Variants in SLC30A8 observed in about 807,000 individuals in gnomAD.
SLC30A8 encodes the protein proton-coupled zinc antiporter SLC30A8.
SLC30A8 carries 27 observed loss-of-function variants against 36.9 expected under a neutral mutation model. The observed-to-expected ratio is 0.73, with a 90% CI of 0.54 to 1.01. SLC30A8 has a LOEUF of 1.01. Among genes scored for constraint, SLC30A8 ranks in the 50% least tolerant of loss-of-function variants. SLC30A8 has a pLI of 0.00. For missense variants in SLC30A8, 439 were observed against 452.0 expected, an observed-to-expected ratio of 0.97 and a Z score of 0.26; for synonymous variants, 164 against 172.4, an observed-to-expected ratio of 0.95 and a Z score of 0.38.
chr8:117,092,901 C>T (rs1188903931), intron 2 of SLC30A8, among the ~76,000 whole-genome samples: 3 of 152,174 alleles, frequency 2.0e-5, no homozygotes, highest in African/African-American at 7.2e-5. Context: ...TCACAGGCTG[C>T]ATGACTTATT....
chr8:117,046,966 T>C (rs961433391), intron 2 of SLC30A8, among the ~76,000 whole-genome samples: 1 of 152,228 alleles, frequency 6.6e-6, no homozygotes, highest in African/African-American at 2.4e-5. Context: ...GCTTGCTCAT[T>C]TGTTTGTTTG....
intron 1 of SLC30A8, among the ~76,000 whole-genome samples, chr8:117,139,771 A>G (rs1448020183): frequency 6.6e-6 from 1 of 151,812 alleles, no homozygotes; most frequent in Non-Finnish European, 1.5e-5. Flanking sequence ...ATGGGAGAGG[A>G]TAAGAAAGAC....
chr8:117,058,219 A>G (rs1817927241), intron 2 of SLC30A8, among the ~76,000 whole-genome samples: 1 of 152,050 alleles, frequency 6.6e-6, no homozygotes, highest in African/African-American at 2.4e-5. Flanking sequence ...TCCTTTGTCC[A>G]TTTTTAATTG....
chr8:117,028,610 G>A (rs557302470), intron 1 of SLC30A8, among the ~76,000 whole-genome samples: 5 of 151,626 alleles, frequency 3.3e-5, no homozygotes, highest in Non-Finnish European at 7.4e-5. Context: ...AAGAGGAATG[G>A]TCTTTTTGTT....
chr8:117,100,705 A>T (rs907722396), intron 2 of SLC30A8, among the ~76,000 whole-genome samples: 1 of 152,188 alleles, frequency 6.6e-6, no homozygotes, highest in Admixed American at 6.6e-5. Context: ...AATCTCTAAG[A>T]TCTGAAATAG....
chr8:117,062,457 G>A (rs1307746422), intron 2 of SLC30A8, among the ~76,000 whole-genome samples: 1 of 152,160 alleles, frequency 6.6e-6, no homozygotes, highest in Non-Finnish European at 1.5e-5. Flanking sequence ...AGAGAGCGGG[G>A]AAGGTGTTTT....
chr8:117,143,340 T>G (rs1821745906), intron 1 of SLC30A8, among the ~76,000 whole-genome samples: 1 of 152,176 alleles, frequency 6.6e-6, no homozygotes, highest in Non-Finnish European at 1.5e-5. Flanking sequence ...AGTAAATTTC[T>G]TTGGCCTATT....
chr8:117,109,957 C>T (rs537439353), intron 2 of SLC30A8, among the ~76,000 whole-genome samples: 4 of 152,276 alleles, frequency 2.6e-5, no homozygotes, highest in African/African-American at 4.8e-5. Context: ...CTTAGAATTA[C>T]GCTTTCTTTA....
intron 6 of SLC30A8, among the ~76,000 whole-genome samples, chr8:117,169,538 C>T (rs1823256577): frequency 6.6e-6 from 1 of 152,102 alleles, no homozygotes; most frequent in Non-Finnish European, 1.5e-5. Context: ...GCTCAGGCCT[C>T]CCATACCCAG....
At chr8:117,157,866 A>C in intron 4 of SLC30A8, 22 bp downstream of exon 4, 1 of 1,612,984 alleles carries the variant, frequency 6.2e-7, no homozygotes, top group South Asian at 1.1e-5. Context: ...CCTGGTCCCC[A>C]CACACTGCTC....
chr8:117,037,243 A>G (rs1474459464), intron 1 of SLC30A8, among the ~76,000 whole-genome samples: 2 of 152,026 alleles, frequency 1.3e-5, no homozygotes, highest in Non-Finnish European at 2.9e-5. Context: ...TCTGTAGCTC[A>G]GATTAGAAGA....
chr8:117,082,098 C>A (rs1254178611), intron 2 of SLC30A8, among the ~76,000 whole-genome samples: 1 of 152,176 alleles, frequency 6.6e-6, no homozygotes, highest in African/African-American at 2.4e-5. Flanking sequence ...GACTTATTAA[C>A]TGTAATTGGT....
Position 116,987,758 on chromosome 8 carries a change from C to T in SLC30A8, c.-266+36639C>T, listed in dbSNP as rs147191748. 9.7e-4 allele frequency among the ~76,000 whole-genome samples: 148 copies of T among 152,228 alleles called. 4 individuals carry two copies. The East Asian group carries it at 0.024, about 24-fold the overall frequency. On this transcript the variant is annotated intron_variant, in intron 1 of 10. Transcript: ENST00000427715. ...TTGCCCAGGTTGGAGTGCAGTGGCA[C>T]GATCTCTGCTCACTGCAACCTCTGC...
chr8:117,018,900 T>C (rs1178667080), intron 1 of SLC30A8, among the ~76,000 whole-genome samples: 3 of 152,082 alleles, frequency 2.0e-5, no homozygotes, highest in African/African-American at 7.2e-5. Flanking sequence ...TGACCTCAGG[T>C]GATCTACCCA....
intron 1 of SLC30A8, among the ~76,000 whole-genome samples, chr8:117,014,652 A>T (rs1009300816): frequency 6.6e-6 from 1 of 152,194 alleles, no homozygotes; most frequent in South Asian, 2.1e-4. Context: ...CTGATGTCTT[A>T]TCTCAGTTCC....
At chr8:117,010,808 A>G (rs1348297366) in intron 1 of SLC30A8, among the ~76,000 whole-genome samples, 1 of 152,192 alleles carries the variant, frequency 6.6e-6, no homozygotes, top group Non-Finnish European at 1.5e-5. Flanking sequence ...CTTATATGGC[A>G]CAGCAAGAGC....
At chr8:117,101,245 C>A (rs1470789744) in intron 2 of SLC30A8, among the ~76,000 whole-genome samples, 1 of 152,064 alleles carries the variant, frequency 6.6e-6, no homozygotes, top group Non-Finnish European at 1.5e-5. Flanking sequence ...CTTTCCAGGG[C>A]CTTATATCTG....
At chr8:117,074,986 G>T (rs2130804035) in intron 2 of SLC30A8, among the ~76,000 whole-genome samples, 1 of 152,096 alleles carries the variant, frequency 6.6e-6, no homozygotes, top group Non-Finnish European at 1.5e-5. Flanking sequence ...TCTTAAATAG[G>T]TCTATAGGGA....
At chr8:117,163,362 A>T in intron 5 of SLC30A8, 63 bp from the exon 6 acceptor site, 2 of 1,272,774 alleles carry the variant, frequency 1.6e-6, no homozygotes, top group Non-Finnish European at 2.3e-6. Flanking sequence ...TTATTTTATT[A>T]ATCAGACTTT....
Sources: allele counts gnomAD v4.1 joint callset (sites outside exome capture counted in the v4.1 genomes callset), GRCh38; gene constraint gnomAD v4.1.1; transcripts MANE v1.5; gene names NCBI Gene and HGNC (gene_info 2026-07-23, HGNC 2026-07-21).